Variants in C4orf50 observed in about 807,000 individuals in gnomAD.
C4orf50 encodes chromosome 4 open reading frame 50, also known as uncharacterized protein C4orf50.
Under a neutral mutation model 77.2 loss-of-function variants are expected in C4orf50, and 80 were observed. That is an observed-to-expected ratio of 1.04 (90% CI 0.87 to 1.25). The LOEUF (loss-of-function observed/expected upper bound fraction) is 1.25. C4orf50 is among the 50% of genes most tolerant of loss of function. C4orf50 has a pLI of 0.00. For synonymous variants in C4orf50, 532 were observed against 465.3 expected (o/e 1.14, Z -1.84); for missense variants, 1,257 against 1,152.9 (o/e 1.09, Z -1.31).
At chr4:5,986,167 A>G (rs901248112) in intron 28 of C4orf50, among the ~76,000 whole-genome samples, 3 of 152,206 alleles carry the variant, frequency 2.0e-5, no homozygotes, top group African/African-American at 7.2e-5. Flanking sequence ...GCTTGGCCTA[A>G]TTGATATACA....
chr4:5,978,281 G>T (rs545443725), intron 29 of C4orf50, among the ~76,000 whole-genome samples: 8 of 145,726 alleles, frequency 5.5e-5, no homozygotes, highest in African/African-American at 1.8e-4. Context: ...GAGATGTTCA[G>T]GAATTACATT....
intron 7 of C4orf50, among the ~76,000 whole-genome samples, chr4:5,918,192 G>A (rs781130193): frequency 5.0e-4 from 76 of 152,094 alleles, no homozygotes; most frequent in Non-Finnish European, 9.0e-4. Context: ...ACCTCCCACC[G>A]CAGCAGGGAT....
chr4:5,904,664 GCTACTAGGGTGCTTGT>G (rs1224531727), intron 7 of C4orf50: 3 of 152,198 alleles, frequency 2.0e-5, no homozygotes, highest in Non-Finnish European at 4.4e-5. Context: ...GGGGTGCTTG[GCTACTAGGGTGCTTGT>G]CTACCAATCT....
intron 7 of C4orf50, among the ~76,000 whole-genome samples, chr4:5,921,412 C>A (rs576948149): frequency 2.6e-5 from 4 of 152,268 alleles, no homozygotes; most frequent in African/African-American, 9.6e-5. Context: ...TACACACATG[C>A]GTGTCTGCAT....
At chr4:5,914,321 C>T (rs537247641) in intron 7 of C4orf50, among the ~76,000 whole-genome samples, 5 of 150,896 alleles carry the variant, frequency 3.3e-5, no homozygotes, top group African/African-American at 1.2e-4. Flanking sequence ...TCTCCCGCCT[C>T]AGCCTCCTGA....
At chr4:5,926,332 G>A (rs548694772) in intron 7 of C4orf50, among the ~76,000 whole-genome samples, 24 of 152,284 alleles carry the variant, frequency 1.6e-4, no homozygotes, top group African/African-American at 3.6e-4. Context: ...AAAGGAAACA[G>A]ACACGAAGGC....
chr4:5,929,446 A>AACATT (rs10649029), intron 7 of C4orf50, among the ~76,000 whole-genome samples: 70,305 of 151,832 alleles, frequency 0.46, 16,807 homozygotes, highest in African/African-American at 0.54. Flanking sequence ...CTTTAGGAAT[A>AACATT]ACATTTCCTT....
At chr4:5,998,061 A>G (rs547273914) in intron 25 of C4orf50, among the ~76,000 whole-genome samples, 2 of 152,332 alleles carry the variant, frequency 1.3e-5, no homozygotes, top group African/African-American at 4.8e-5. Flanking sequence ...GTGGAAGTCA[A>G]ATGGCTGAGA....
chr4:6,007,221 G>A lies in C4orf50; in HGVS notation c.963+775C>T, dbSNP rs758913372. Among the ~76,000 whole-genome samples the A allele has an allele frequency of 1.3e-5, 2 of 152,100 alleles. No individual in the cohort carries two copies. The highest frequency in any genetic ancestry group is 2.4e-5 in the African/African-American group (1 of 41,384). ...TGGAACGTGGCTAGACAAGTGGGTGGGTGAGTGCTGGGGTCTGAATGGCTG... is the reference window on the plus strand; with the variant it reads ...TGGAACGTGGCTAGACAAGTGGGTGAGTGAGTGCTGGGGTCTGAATGGCTG... On this transcript the variant is annotated intron_variant, in intron 25 of 33. Transcript: ENST00000531445. This position sits in a 1 kb window ranked among gnomAD's most constrained non-coding sequence, Gnocchi z 4.1.
exon 29 of C4orf50, chr4:5,980,209 C>T (rs773324409): frequency 1.1e-4 from 181 of 1,606,732 alleles, no homozygotes; most frequent in Admixed American, 2.7e-4. Flanking sequence ...CGGGTGGCCT[C>T]GTCCAGAGAC....
intron 7 of C4orf50, among the ~76,000 whole-genome samples, chr4:5,948,859 G>A (rs1718599915): frequency 6.6e-6 from 1 of 151,414 alleles, no homozygotes; most frequent in Non-Finnish European, 1.5e-5. Flanking sequence ...TACTCGGGAG[G>A]CTGAGGCAGG....
At chr4:5,911,824 G>A (rs370036807) in intron 7 of C4orf50, among the ~76,000 whole-genome samples, 20 of 152,310 alleles carry the variant, frequency 1.3e-4, no homozygotes, top group East Asian at 9.7e-4. Context: ...CAGGCGGGCC[G>A]ATCACAAAGT....
intron 7 of C4orf50, among the ~76,000 whole-genome samples, chr4:5,907,875 G>A (rs1387220775): frequency 6.6e-6 from 1 of 152,204 alleles, no homozygotes. Context: ...ACAGAAAGCA[G>A]ACCCCTGAGG....
intron 29 of C4orf50, 83 bp downstream of exon 7, chr4:5,980,091 C>G: frequency 1.6e-6 from 2 of 1,219,730 alleles, no homozygotes; most frequent in Non-Finnish European, 2.3e-6. Flanking sequence ...AAGAAGACCT[C>G]AGCAAATCTT....
In C4orf50 at chr4:5,958,584, T is replaced by G. The variant is rs1719098334; in HGVS notation, c.*791A>C. The G allele has an allele frequency of 6.6e-6, 1 of 152,136 alleles. No individual in the cohort carries two copies. The highest frequency in any genetic ancestry group is 2.4e-5 in the African/African-American group (1 of 41,410). 9.4% of individuals were successfully genotyped at this position (152,136 alleles called of 1,614,324 possible). On this transcript the variant is annotated 3_prime_UTR_variant, in exon 34 of 34. Coordinates refer to ENST00000531445, the Ensembl canonical transcript of C4orf50. The surrounding 1 kb of genome is among the most constrained non-coding windows in gnomAD (Gnocchi z 5.4). ...TGTGACACTTGCGTGCGTGCTGATT[T>G]ACTCACAGGAGTATCTCTCCCATTG... is the stretch of plus-strand genomic sequence containing the variant.
At chr4:5,927,414 C>T (rs1717566543) in intron 7 of C4orf50, among the ~76,000 whole-genome samples, 1 of 151,968 alleles carries the variant, frequency 6.6e-6, no homozygotes, top group Non-Finnish European at 1.5e-5. Flanking sequence ...TCTGTCTCTG[C>T]CCTCTGCTTG....
chr4:5,990,675 A>C (rs971893132), exon 28 of C4orf50: 1 of 399,026 alleles, frequency 2.5e-6, no homozygotes, highest in African/African-American at 2.1e-5. Context: ...GCACCAGGAG[A>C]AAGGCTTCTG....
intron 31 of C4orf50, among the ~76,000 whole-genome samples, chr4:5,973,286 A>C (rs1560573918): frequency 6.6e-6 from 1 of 152,220 alleles, no homozygotes; most frequent in East Asian, 1.9e-4. Context: ...AAGGATGGAC[A>C]GGAGGTCATG....
chr4:5,988,829 C>G lies in C4orf50; in HGVS notation c.3217G>C (p.Asp1073His), dbSNP rs935950302. 3 of 1,535,978 alleles carry G rather than the reference C, an allele frequency of 2.0e-6. No homozygotes were observed. In the African/African-American group the frequency reaches 4.1e-5, roughly 21 times the overall value. ...ATGTCTTCTATTCCTAGCACGATAT[C>G]CTTTATCAGCTCTTTATAACTGACG... Residue 1073 changes from aspartate to histidine, a missense_variant, in exon 28 of 34, where the codon GAT (aspartate) becomes CAT (histidine). Physicochemically the swap from Asp to His is moderately conservative, Grantham distance 81. Transcript: ENST00000531445.
Sources: allele counts gnomAD v4.1 joint callset (sites outside exome capture counted in the v4.1 genomes callset), GRCh38; gene constraint gnomAD v4.1.1; non-coding constraint Gnocchi (gnomAD v3.1); transcripts MANE v1.5; gene names NCBI Gene and HGNC (gene_info 2026-07-23, HGNC 2026-07-21).